SETD3: variants seen among roughly 807,000 people sequenced by gnomAD.
The protein encoded by SETD3 is actin-histidine N-methyltransferase.
Under a neutral mutation model 63.0 loss-of-function variants are expected in SETD3, and 19 were observed. The ratio of observed to expected loss-of-function variants is 0.30; its 90% CI spans 0.21 to 0.44. The LOEUF is 0.44. Among genes scored for constraint, SETD3 ranks in the 20% least tolerant of loss-of-function variants. SETD3 has a pLI of 1.00. For missense variants in SETD3, 587 were observed against 728.5 expected, an observed-to-expected ratio of 0.81 and a Z score of 2.24; for synonymous variants, 286 against 264.1, an observed-to-expected ratio of 1.08 and a Z score of -0.80.
upstream of SETD3, among the ~76,000 whole-genome samples, chr14:99,483,286 C>A (rs971503384): frequency 4.6e-5 from 7 of 152,012 alleles, no homozygotes; most frequent in African/African-American, 1.7e-4. Flanking sequence ...TGGTGGCTCA[C>A]GCTTATAATA....
intron 9 of SETD3, among the ~76,000 whole-genome samples, 198 bp downstream of exon 9, chr14:99,406,318 C>T (rs112431300): frequency 1.7e-3 from 263 of 152,248 alleles, no homozygotes; most frequent in African/African-American, 6.0e-3. Context: ...AAGCACAATG[C>T]AAAGCACAAG....
intron 6 of SETD3, among the ~76,000 whole-genome samples, chr14:99,441,235 A>G (rs1262559329): frequency 6.6e-6 from 1 of 152,196 alleles, no homozygotes; most frequent in Non-Finnish European, 1.5e-5. Context: ...CTCCTTTTAT[A>G]TCTCCTTATA....
chr14:99,482,645 A>G (rs1896376446), upstream of SETD3, among the ~76,000 whole-genome samples: 2 of 152,136 alleles, frequency 1.3e-5, no homozygotes, highest in Admixed American at 1.3e-4. Context: ...ATTCAAGCAT[A>G]TTAGTTGATT....
At chr14:99,403,539 A>C (rs1413407336) in intron 11 of SETD3, among the ~76,000 whole-genome samples, 1 of 151,902 alleles carries the variant, frequency 6.6e-6, no homozygotes, top group African/African-American at 2.4e-5. Flanking sequence ...TGTAAGATAC[A>C]TTTTAGGATG....
intron 7 of SETD3, 50 bp from the exon 8 acceptor site, chr14:99,413,115 T>C (rs1334523947): frequency 1.4e-5 from 15 of 1,105,164 alleles, no homozygotes; most frequent in Non-Finnish European, 1.9e-5. Flanking sequence ...AAAAGCCAAT[T>C]GCAGTAAGAA....
chr14:99,431,558 C>T (rs1893183106), intron 6 of SETD3, among the ~76,000 whole-genome samples: 1 of 151,890 alleles, frequency 6.6e-6, no homozygotes, highest in Non-Finnish European at 1.5e-5. Flanking sequence ...GTGGCGCGAT[C>T]TCAGCTCACT....
intron 6 of SETD3, among the ~76,000 whole-genome samples, chr14:99,454,405 T>G (rs1894638454): frequency 6.6e-6 from 1 of 152,142 alleles, no homozygotes; most frequent in East Asian, 1.9e-4. Flanking sequence ...TTTGAGCTTG[T>G]GACGAGTCAC....
intron 1 of SETD3, among the ~76,000 whole-genome samples, chr14:99,476,285 T>C (rs1444572149): frequency 1.3e-5 from 2 of 152,236 alleles, no homozygotes; most frequent in Admixed American, 6.5e-5. Context: ...AACCCATTTA[T>C]GAGAGCTCCA....
intron 8 of SETD3, among the ~76,000 whole-genome samples, chr14:99,408,276 G>A (rs1891793310): frequency 6.6e-6 from 1 of 152,156 alleles, no homozygotes; most frequent in African/African-American, 2.4e-5. Flanking sequence ...TGATAAATAT[G>A]CAGCAATGAG....
chr14:99,419,315 T>A (rs1187706966), intron 6 of SETD3, among the ~76,000 whole-genome samples: 1 of 152,022 alleles, frequency 6.6e-6, no homozygotes, highest in Admixed American at 6.6e-5. Context: ...TTTAAAAAAC[T>A]TAAATTAAGA....
intron 1 of SETD3, among the ~76,000 whole-genome samples, chr14:99,472,795 T>G (rs1303198954): frequency 6.6e-6 from 1 of 152,180 alleles, no homozygotes; most frequent in Admixed American, 6.5e-5. Flanking sequence ...TACAAATACT[T>G]ACTGAATTAT....
chr14:99,441,120 G>A (rs1202494363), intron 6 of SETD3, among the ~76,000 whole-genome samples: 1 of 152,254 alleles, frequency 6.6e-6, no homozygotes, highest in Non-Finnish European at 1.5e-5. Context: ...AGGGACAAAA[G>A]TGTCTAACAG....
At chr14:99,410,228 A>G in intron 8 of SETD3, 5 of 1,613,620 alleles carry the variant, frequency 3.1e-6, no homozygotes, top group Non-Finnish European at 4.2e-6. Flanking sequence ...GAAGAATAGC[A>G]GGGAACCAGA....
intron 6 of SETD3, among the ~76,000 whole-genome samples, chr14:99,414,336 A>G (rs1188384593): frequency 6.6e-6 from 1 of 152,278 alleles, no homozygotes; most frequent in Non-Finnish European, 1.5e-5. Context: ...TGTACCGCAC[A>G]GGCCTTCTGA....
chr14:99,452,084 C>G (rs555966555), intron 6 of SETD3, among the ~76,000 whole-genome samples: 1 of 152,208 alleles, frequency 6.6e-6, no homozygotes, highest in South Asian at 2.1e-4. Flanking sequence ...GAGCAGGGGC[C>G]CAGAAAGACT....
At chr14:99,450,953 C>G (rs1018155152) in intron 6 of SETD3, among the ~76,000 whole-genome samples, 3 of 152,200 alleles carry the variant, frequency 2.0e-5, no homozygotes, top group Non-Finnish European at 4.4e-5. Flanking sequence ...TGGTGCCCCA[C>G]GTCACAGCAC....
rs1894882648 is a variant in SETD3, at chr14:99,458,433, G to A, written c.521C>T (p.Pro174Leu). 6.2e-7 allele frequency: 1 copy of A among 1,613,994 alleles called. No individual in the cohort carries two copies. Among genetic ancestry groups the A allele is most frequent in the Admixed American group, 1.7e-5 (1 of 59,990 alleles). Residue 174 changes from proline to leucine, a missense_variant, in exon 6 of 13, where the codon CCC becomes CTC. Transcript: ENST00000331768. The part of the protein sequence containing the change: ...ERASPNSFWQ[P>L]YIQTLPSEYD... ...TTCACTGGGGAGGGTTTGAATATAG[G>A]GCTGCCAGAAGGAGTTAGGGCTGGC...
At chr14:99,419,704 G>A (rs1211691260) in intron 6 of SETD3, among the ~76,000 whole-genome samples, 2 of 151,000 alleles carry the variant, frequency 1.3e-5, no homozygotes, top group South Asian at 2.1e-4. Context: ...GAACCCGGGA[G>A]GCGGAGCTTG....
chr14:99,413,075 G>C lies in SETD3; in HGVS notation c.735-10C>G. On this transcript the variant is annotated splice_polypyrimidine_tract_variant and intron_variant, in intron 7 of 12. Coordinates refer to ENST00000331768, the MANE Select transcript of SETD3 (RefSeq NM_032233.3). ...AGAAGAGACTGCCCACCTATAACAAGATAAATGGTGACTTAAGGTTGGAAC... is the reference window on the plus strand; with the variant it reads ...AGAAGAGACTGCCCACCTATAACAACATAAATGGTGACTTAAGGTTGGAAC... 1 of 1,499,950 alleles carries C rather than the reference G, an allele frequency of 6.7e-7. No individual in the cohort carries two copies. The highest frequency in any genetic ancestry group is 9.3e-7 in the Non-Finnish European group (1 of 1,079,972). 92.9% of individuals were successfully genotyped at this position (1,499,950 alleles called of 1,614,324 possible).
Sources: gnomAD v4.1 joint callset for allele counts (sites outside exome capture counted in the v4.1 genomes callset) on GRCh38, gnomAD v4.1.1 for gene constraint, MANE v1.5 for transcripts, NCBI Gene and HGNC (gene_info 2026-07-23, HGNC 2026-07-21) for gene names.